The following IKZF2 variants were observed in gnomAD, a reference collection of about 807,000 sequenced individuals.
The protein encoded by IKZF2 is IKAROS family zinc finger 2.
IKZF2 carries 15 observed loss-of-function variants against 49.2 expected under a neutral mutation model. That is an observed-to-expected ratio of 0.30 (90% CI 0.20 to 0.47). IKZF2 has a LOEUF of 0.47. Ranked by LOEUF, IKZF2 falls within the 20% of genes least tolerant of loss-of-function variation. The pLI is 1.00. For synonymous variants in IKZF2, 227 were observed against 221.4 expected (o/e 1.03, Z -0.23); for missense variants, 567 against 664.6 (o/e 0.85, Z 1.61).
At chr2:213,134,190 C>A (rs1046890894) in intron 4 of IKZF2, among the ~76,000 whole-genome samples, 1 of 152,140 alleles carries the variant, frequency 6.6e-6, no homozygotes, top group Non-Finnish European at 1.5e-5. Flanking sequence ...GAAAAACCAG[C>A]GATCAGAGGA....
At chr2:213,145,894 C>T (rs2061040402) in intron 4 of IKZF2, among the ~76,000 whole-genome samples, 1 of 152,060 alleles carries the variant, frequency 6.6e-6, no homozygotes, top group South Asian at 2.1e-4. Flanking sequence ...GAGAAAAGCT[C>T]AAATGTCAAA....
intron 6 of IKZF2, among the ~76,000 whole-genome samples, chr2:213,044,080 C>A (rs1005100090): frequency 5.3e-5 from 8 of 152,092 alleles, no homozygotes; most frequent in African/African-American, 1.9e-4. Flanking sequence ...ATGTGAGGCA[C>A]CAGTAAGAGA....
chr2:213,072,878 G>C (rs62187850), intron 4 of IKZF2, among the ~76,000 whole-genome samples: 46,075 of 151,896 alleles, frequency 0.3, 8,079 homozygotes, highest in Non-Finnish European at 0.4. Context: ...CATTCAGTTA[G>C]AGACTGAATT....
At chr2:213,018,042 T>C (rs1696803131) in intron 7 of IKZF2, among the ~76,000 whole-genome samples, 1 of 152,100 alleles carries the variant, frequency 6.6e-6, no homozygotes, top group African/African-American at 2.4e-5. Context: ...CCTAAACAAT[T>C]CAAAGCATAA....
chr2:213,060,579 T>C (rs1295654819), intron 4 of IKZF2, among the ~76,000 whole-genome samples: 3 of 151,452 alleles, frequency 2.0e-5, no homozygotes, highest in African/African-American at 7.2e-5. Context: ...CCAAGAGTTA[T>C]TTTTCAAGCT....
At chr2:213,102,075 T>C (rs1056017284) in intron 4 of IKZF2, among the ~76,000 whole-genome samples, 3 of 152,218 alleles carry the variant, frequency 2.0e-5, no homozygotes, top group Non-Finnish European at 2.9e-5. Flanking sequence ...GGATCTTTTT[T>C]ACTTGTTTTG....
chr2:213,125,546 T>C (rs1242276019), intron 4 of IKZF2, among the ~76,000 whole-genome samples: 1 of 152,210 alleles, frequency 6.6e-6, no homozygotes, highest in Non-Finnish European at 1.5e-5. Flanking sequence ...AGTTGTAGTG[T>C]AAATTGTTAT....
chr2:213,132,206 G>C (rs1230613506), intron 4 of IKZF2, among the ~76,000 whole-genome samples: 1 of 151,664 alleles, frequency 6.6e-6, no homozygotes, highest in African/African-American at 2.4e-5. Flanking sequence ...AGGCTGCAGA[G>C]ATTACAAAGT....
intron 4 of IKZF2, among the ~76,000 whole-genome samples, chr2:213,092,432 G>A (rs753006754): frequency 3.0e-4 from 45 of 152,116 alleles, no homozygotes; most frequent in African/African-American, 7.0e-4. Flanking sequence ...GCTGGCTAGA[G>A]TTCTCACTTG....
chr2:213,063,354 C>A (rs539228645), intron 4 of IKZF2, among the ~76,000 whole-genome samples: 1 of 151,770 alleles, frequency 6.6e-6, no homozygotes, highest in Non-Finnish European at 1.5e-5. Context: ...GTAAAGTTAC[C>A]CTGCACCTGA....
chr2:213,069,945 T>C (rs1024759261), intron 4 of IKZF2, among the ~76,000 whole-genome samples: 2 of 152,260 alleles, frequency 1.3e-5, no homozygotes, highest in African/African-American at 4.8e-5. Context: ...ACCTATTGCA[T>C]GACTAATTTA....
intron 6 of IKZF2, among the ~76,000 whole-genome samples, chr2:213,023,523 G>C (rs983810981): frequency 6.6e-6 from 1 of 152,058 alleles, no homozygotes; most frequent in Non-Finnish European, 1.5e-5. Context: ...TGAGAATACT[G>C]TGCAGAACTT....
At position 213,150,264 on chromosome 2, in the gene IKZF2, G is replaced by A. The variant is rs1342231733; in HGVS notation, c.-119-17C>T. The A allele has an allele frequency of 2.9e-6, 3 of 1,042,144 alleles. No homozygotes were observed. Among genetic ancestry groups the A allele is most frequent in the East Asian group, 6.0e-5 (1 of 16,756 alleles). 64.6% of individuals were successfully genotyped at this position (1,042,144 alleles called of 1,614,324 possible). On this transcript the variant is annotated splice_polypyrimidine_tract_variant and intron_variant, in intron 1 of 8. Transcript: ENST00000434687. The stretch of plus-strand genomic sequence containing the variant: ...AATGTCGGGCTGAAGATAAACGGAG[G>A]GAGAAAGAAAGAAGTTTTTTGTGTT...
intron 5 of IKZF2, among the ~76,000 whole-genome samples, chr2:213,050,841 T>C (rs904001682): frequency 6.6e-6 from 1 of 151,778 alleles, no homozygotes; most frequent in Non-Finnish European, 1.5e-5. Flanking sequence ...ATAAAGAAAA[T>C]GCTATTATTT....
chr2:213,080,456 G>A (rs1703822927), intron 4 of IKZF2, among the ~76,000 whole-genome samples: 1 of 152,058 alleles, frequency 6.6e-6, no homozygotes, highest in African/African-American at 2.4e-5. Context: ...TCAATGAATG[G>A]GGGAGCAACA....
chr2:213,066,968 CTG>C (rs1702222274), intron 4 of IKZF2, among the ~76,000 whole-genome samples: 1 of 152,108 alleles, frequency 6.6e-6, no homozygotes. Flanking sequence ...TACATTAAAA[CTG>C]TGAAGACTGG....
intron 4 of IKZF2, among the ~76,000 whole-genome samples, chr2:213,092,783 C>T (rs1195989724): frequency 1.3e-5 from 2 of 152,178 alleles, no homozygotes; most frequent in Non-Finnish European, 2.9e-5. Context: ...TGGGGTACCC[C>T]TTTCTGTCCT....
chr2:213,040,409 T>C (rs1699518293), intron 6 of IKZF2, among the ~76,000 whole-genome samples: 1 of 152,134 alleles, frequency 6.6e-6, no homozygotes, highest in African/African-American at 2.4e-5. Flanking sequence ...ATCATTTTTC[T>C]CTTTATAATT....
intron 5 of IKZF2, chr2:213,056,419 G>A: frequency 3.5e-6 from 1 of 285,746 alleles, no homozygotes; most frequent in Non-Finnish European, 6.7e-6. Flanking sequence ...ACTGGATAAA[G>A]TGAAAATTAT....
Sources: gnomAD v4.1 joint callset for allele counts (sites outside exome capture counted in the v4.1 genomes callset) on GRCh38, gnomAD v4.1.1 for gene constraint, MANE v1.5 for transcripts, NCBI Gene and HGNC (gene_info 2026-07-23, HGNC 2026-07-21) for gene names.